The following STEAP1B variants were observed in gnomAD, a reference collection of about 807,000 sequenced individuals.
STEAP1B encodes STEAP family member 1B, also known as STEAP family protein MGC87042.
STEAP1B carries 13 observed loss-of-function variants against 27.9 expected under a neutral mutation model. That is an observed-to-expected ratio of 0.47 (90% CI 0.30 to 0.74). The LOEUF is 0.74. Among genes scored for constraint, STEAP1B ranks in the 30% least tolerant of loss-of-function variants. STEAP1B has a pLI of 0.06. For missense variants in STEAP1B, 250 were observed against 298.7 expected (o/e 0.84, Z 1.20); for synonymous variants, 86 against 107.1 (o/e 0.80, Z 1.22).
intron 1 of STEAP1B, among the ~76,000 whole-genome samples, chr7:22,497,996 T>C (rs2128419646): frequency 6.6e-6 from 1 of 152,268 alleles, no homozygotes; most frequent in Middle Eastern, 3.4e-3. Context: ...CATCAGGCAA[T>C]AGTTAGATTC....
chr7:22,449,253 G>A (rs1002505308), intron 4 of STEAP1B, among the ~76,000 whole-genome samples: 4 of 151,824 alleles, frequency 2.6e-5, no homozygotes, highest in South Asian at 2.1e-4. Context: ...TATTTTTATT[G>A]TACCCATTAA....
intron 4 of STEAP1B, among the ~76,000 whole-genome samples, chr7:22,430,425 C>T (rs746152241): frequency 3.3e-5 from 5 of 152,180 alleles, no homozygotes; most frequent in South Asian, 2.1e-4. Flanking sequence ...ATTAATCTTA[C>T]GACTGAGGCA....
chr7:22,483,406 C>G (rs1162597911), intron 4 of STEAP1B, among the ~76,000 whole-genome samples: 1 of 152,192 alleles, frequency 6.6e-6, no homozygotes, highest in African/African-American at 2.4e-5. Context: ...GGGCATGACT[C>G]AAGGGGCACT....
intron 4 of STEAP1B, among the ~76,000 whole-genome samples, chr7:22,487,604 A>C (rs1452127689): frequency 1.3e-5 from 2 of 151,896 alleles, no homozygotes; most frequent in Non-Finnish European, 2.9e-5. Context: ...CGGGAGTTCA[A>C]GACCAGCCTG....
At chr7:22,488,915 C>T (rs1309372260) in intron 4 of STEAP1B, among the ~76,000 whole-genome samples, 1 of 152,150 alleles carries the variant, frequency 6.6e-6, no homozygotes, top group Non-Finnish European at 1.5e-5. Flanking sequence ...CGGACAAGTC[C>T]CCACGTAGAT....
At chr7:22,457,095 CA>C (rs1230932094) in intron 4 of STEAP1B, among the ~76,000 whole-genome samples, 1 of 149,746 alleles carries the variant, frequency 6.7e-6, no homozygotes, top group Non-Finnish European at 1.5e-5. Flanking sequence ...TCTGTGTTAA[CA>C]AAAGGCCGAG....
intron 4 of STEAP1B, among the ~76,000 whole-genome samples, chr7:22,421,484 A>G (rs1276912889): frequency 6.6e-6 from 1 of 152,244 alleles, no homozygotes; most frequent in Non-Finnish European, 1.5e-5. Flanking sequence ...AGGAGTTCAC[A>G]GTGGAAGCTG....
chr7:22,456,133 C>T (rs925133253), intron 4 of STEAP1B, among the ~76,000 whole-genome samples: 27 of 150,954 alleles, frequency 1.8e-4, no homozygotes, highest in African/African-American at 3.9e-4. Context: ...GGCAACAGAG[C>T]GAGACTCCAT....
chr7:22,482,911 C>G (rs924494288), intron 4 of STEAP1B, among the ~76,000 whole-genome samples: 4 of 152,132 alleles, frequency 2.6e-5, no homozygotes, highest in African/African-American at 9.7e-5. Flanking sequence ...TGGATCTTGT[C>G]TCAGGTCCCT....
At chr7:22,456,972 A>ATATATTTTTTTTTTTT in intron 4 of STEAP1B, among the ~76,000 whole-genome samples, 1 of 57,046 alleles carries the variant, frequency 1.8e-5, no homozygotes, top group Non-Finnish European at 3.3e-5. Context: ...ATATATATAT[A>ATATATTTTTTTTTTTT]TTTTTTTTTT....
intron 4 of STEAP1B, among the ~76,000 whole-genome samples, chr7:22,468,305 TAAGGGAGG>T (rs1785821011): frequency 6.6e-6 from 1 of 152,080 alleles, no homozygotes; most frequent in Non-Finnish European, 1.5e-5. Flanking sequence ...TATAAACGAA[TAAGGGAGG>T]TACTATTATT....
intron 4 of STEAP1B, chr7:22,438,444 G>A: frequency 6.6e-7 from 1 of 1,522,748 alleles, no homozygotes; most frequent in South Asian, 1.3e-5. Flanking sequence ...CTGCAAGTAT[G>A]TAAGATGTAT....
At chr7:22,490,040 T>C (rs1256373401) in intron 4 of STEAP1B, among the ~76,000 whole-genome samples, 1 of 152,244 alleles carries the variant, frequency 6.6e-6, no homozygotes, top group South Asian at 2.1e-4. Flanking sequence ...TGAGCTTTAT[T>C]AATTCCATTC....
At chr7:22,440,333 C>T (rs1252695027) in intron 4 of STEAP1B, among the ~76,000 whole-genome samples, 1 of 152,082 alleles carries the variant, frequency 6.6e-6, no homozygotes, top group Non-Finnish European at 1.5e-5. Flanking sequence ...AAAAGTCCTT[C>T]AATTTTACAA....
chr7:22,420,725 C>T (rs1301521644), intron 4 of STEAP1B, among the ~76,000 whole-genome samples: 1 of 152,232 alleles, frequency 6.6e-6, no homozygotes, highest in Non-Finnish European at 1.5e-5. Flanking sequence ...TCTGCCTCAA[C>T]CCTTTTTAAA....
chr7:22,460,028 G>C (rs564000074), intron 4 of STEAP1B, among the ~76,000 whole-genome samples: 1 of 152,156 alleles, frequency 6.6e-6, no homozygotes, highest in Non-Finnish European at 1.5e-5. Context: ...TATGAGGAAA[G>C]GCTGGCTGTG....
chr7:22,442,556 G>A (rs1479229889), intron 4 of STEAP1B, among the ~76,000 whole-genome samples: 1 of 152,258 alleles, frequency 6.6e-6, no homozygotes, highest in Non-Finnish European at 1.5e-5. Flanking sequence ...GTTGGAGGTG[G>A]GGATGGTGGA....
chr7:22,459,807 C>T (rs1376208333), intron 4 of STEAP1B, among the ~76,000 whole-genome samples: 1 of 152,168 alleles, frequency 6.6e-6, no homozygotes, highest in Non-Finnish European at 1.5e-5. Context: ...CCATTAATAC[C>T]GCACCCCACA....
intron 4 of STEAP1B, among the ~76,000 whole-genome samples, chr7:22,465,090 C>A (rs957547151): frequency 4.6e-5 from 7 of 151,258 alleles, no homozygotes; most frequent in Non-Finnish European, 1.5e-5. Flanking sequence ...TACCTGAACA[C>A]AAGCACTGTG....
Sources: gnomAD v4.1 joint callset for allele counts (sites outside exome capture counted in the v4.1 genomes callset) on GRCh38, gnomAD v4.1.1 for gene constraint, MANE v1.5 for transcripts, NCBI Gene and HGNC (gene_info 2026-07-23, HGNC 2026-07-21) for gene names.